The following PLD1 variants were observed in gnomAD, a reference collection of about 807,000 sequenced individuals.
PLD1 encodes the protein choline phosphatase 1.
A neutral mutation model predicts 137.1 loss-of-function variants in PLD1; 112 were observed. The ratio of observed to expected loss-of-function variants is 0.82; its 90% CI spans 0.70 to 0.96. PLD1 has a LOEUF of 0.96. PLD1 is among the 40% of genes least tolerant of loss of function. PLD1 has a pLI of 0.00. For missense variants in PLD1, 1,321 were observed against 1,342.0 expected, an observed-to-expected ratio of 0.98 and a Z score of 0.24; for synonymous variants, 431 against 454.7, an observed-to-expected ratio of 0.95 and a Z score of 0.66.
At chr3:171,728,770 T>G (rs1024194210) in intron 6 of PLD1, among the ~76,000 whole-genome samples, 3 of 152,192 alleles carry the variant, frequency 2.0e-5, no homozygotes, top group Non-Finnish European at 4.4e-5. Context: ...TTGGAGTATA[T>G]CATAACAAAA....
intron 1 of PLD1, among the ~76,000 whole-genome samples, chr3:171,751,816 C>T (rs1346465610): frequency 2.0e-5 from 3 of 152,060 alleles, no homozygotes; most frequent in Non-Finnish European, 4.4e-5. Flanking sequence ...CTGGCTAACA[C>T]GGTGAAACCC....
At chr3:171,627,008 A>G (rs1308291223) in intron 23 of PLD1, among the ~76,000 whole-genome samples, 1 of 152,150 alleles carries the variant, frequency 6.6e-6, no homozygotes, top group Non-Finnish European at 1.5e-5. Context: ...ACACATAACA[A>G]TATTAACTTT....
chr3:171,724,656 T>A (rs1172524048), intron 8 of PLD1, 40 bp downstream of exon 8: 1 of 1,145,234 alleles, frequency 8.7e-7, no homozygotes, highest in South Asian at 1.2e-5. Context: ...ATACCCAGTG[T>A]ATTAAAACAA....
rs563983324 is a variant in PLD1 at position 171,612,832 on chromosome 3, C to T, written c.2729-400G>A. Among the ~76,000 whole-genome samples, 3 of 152,218 alleles carry T rather than the reference C, an allele frequency of 2.0e-5. No homozygotes were observed. The highest frequency in any genetic ancestry group is 7.2e-5 in the African/African-American group (3 of 41,538). On this transcript the variant is annotated intron_variant, in intron 24 of 26. Coordinates refer to ENST00000351298, the MANE Select transcript of PLD1 (RefSeq NM_002662.5). This position sits in a 1 kb window ranked among gnomAD's most constrained non-coding sequence, Gnocchi z 4.1. ...TCCAGGAGCTGCTGCAGCCATTTCA[C>T]AACCACTAGAGAACAAACAAAAAAG...
At chr3:171,717,133 C>T (rs78404459) in intron 8 of PLD1, among the ~76,000 whole-genome samples, 5 of 152,066 alleles carry the variant, frequency 3.3e-5, no homozygotes, top group Admixed American at 2.0e-4. Context: ...TTTGGAGTCA[C>T]GTAACATGAT....
intron 23 of PLD1, among the ~76,000 whole-genome samples, chr3:171,642,524 C>T (rs1281766680): frequency 6.9e-6 from 1 of 145,780 alleles, no homozygotes; most frequent in Non-Finnish European, 1.5e-5. Context: ...AAAATTGTAT[C>T]CAGTAGATAA....
At chr3:171,772,851 T>C (rs1186750884) in intron 1 of PLD1, among the ~76,000 whole-genome samples, 1 of 152,228 alleles carries the variant, frequency 6.6e-6, no homozygotes, top group African/African-American at 2.4e-5. Flanking sequence ...GCAAAAAAAG[T>C]AGATTCAAAA....
chr3:171,644,768 G>C (rs547836182), intron 22 of PLD1, 142 bp downstream of exon 22: 1 of 613,306 alleles, frequency 1.6e-6, no homozygotes, highest in Non-Finnish European at 3.0e-6. Context: ...ACTAGCAAAC[G>C]GGCCAAGATT....
chr3:171,790,682 CTCTG>C (rs1214023095), intron 1 of PLD1, among the ~76,000 whole-genome samples: 1 of 152,174 alleles, frequency 6.6e-6, no homozygotes, highest in Non-Finnish European at 1.5e-5. Context: ...TTCCTCTATT[CTCTG>C]TCTGTAATGT....
intron 1 of PLD1, chr3:171,809,631 A>C (rs1413017237): frequency 2.0e-5 from 3 of 152,308 alleles, no homozygotes; most frequent in African/African-American, 7.2e-5. Flanking sequence ...AGAAAGCAAT[A>C]ATCCGAGATG....
At chr3:171,789,991 A>G (rs1723153891) in intron 1 of PLD1, 2 of 152,218 alleles carry the variant, frequency 1.3e-5, no homozygotes, top group African/African-American at 4.8e-5. Context: ...AGACAGCAAC[A>G]TTTTGCAGCA....
Position 171,602,840 on chromosome 3 carries a change from G to A in PLD1, c.*238C>T, listed in dbSNP as rs1164751703. 4.4e-5 allele frequency: 24 copies of A among 547,670 alleles called. No individual in the cohort carries two copies. Among genetic ancestry groups the A allele is most frequent in the Non-Finnish European group, 7.2e-5 (22 of 306,632 alleles). 33.9% of individuals were successfully genotyped at this position (547,670 alleles called of 1,614,324 possible). ...ATGTGTTTTACTCAACAGAGTACAT[G>A]CTACCAACAAGAATGCAGCCCCCTT... On this transcript the variant is annotated 3_prime_UTR_variant, in exon 27 of 27. Transcript: ENST00000351298.
intron 9 of PLD1, among the ~76,000 whole-genome samples, chr3:171,711,817 T>TAAAAAAAAAAAAAAAAAAAAAAA (rs36106956): frequency 1.0e-5 from 1 of 99,206 alleles, no homozygotes; most frequent in African/African-American, 4.0e-5. Context: ...TTATAAATGC[T>TAAAAAAAAAAAAAAAAAAAAAAA]AAAAAAAAAA....
intron 11 of PLD1, among the ~76,000 whole-genome samples, chr3:171,702,697 T>C (rs1716350579): frequency 6.6e-6 from 1 of 152,148 alleles, no homozygotes; most frequent in South Asian, 2.1e-4. Flanking sequence ...AAACTGAATT[T>C]GTAATTAAAA....
At chr3:171,754,960 G>A (rs1298164576) in intron 1 of PLD1, among the ~76,000 whole-genome samples, 3 of 152,022 alleles carry the variant, frequency 2.0e-5, no homozygotes, top group Non-Finnish European at 4.4e-5. Context: ...GTGTTAACTC[G>A]CCACCAGCTC....
At chr3:171,628,060 A>G (rs1002868082) in intron 23 of PLD1, among the ~76,000 whole-genome samples, 6 of 151,974 alleles carry the variant, frequency 3.9e-5, no homozygotes, top group African/African-American at 1.5e-4. Context: ...CAAAAAATTA[A>G]TGAATCCAGG....
At chr3:171,768,639 T>A (rs1333268395) in intron 1 of PLD1, among the ~76,000 whole-genome samples, 1 of 152,240 alleles carries the variant, frequency 6.6e-6, no homozygotes, top group Non-Finnish European at 1.5e-5. Context: ...CCTGATCTTC[T>A]ACTGCCATGC....
intron 1 of PLD1, among the ~76,000 whole-genome samples, chr3:171,738,451 C>T (rs1578388238): frequency 6.6e-6 from 1 of 152,254 alleles, no homozygotes; most frequent in East Asian, 1.9e-4. Flanking sequence ...GTAATAAATA[C>T]AGCTGAAGAA....
chr3:171,675,690 C>G (rs76730466), intron 18 of PLD1, among the ~76,000 whole-genome samples: 1 of 152,102 alleles, frequency 6.6e-6, no homozygotes, highest in Non-Finnish European at 1.5e-5. Context: ...AGAATGTCCA[C>G]TAAATTTTTA....
Sources: gnomAD v4.1 joint callset for allele counts (sites outside exome capture counted in the v4.1 genomes callset) on GRCh38, gnomAD v4.1.1 for gene constraint, Gnocchi (gnomAD v3.1) non-coding constraint, MANE v1.5 for transcripts, NCBI Gene and HGNC (gene_info 2026-07-23, HGNC 2026-07-21) for gene names.